NR2C1: variants seen among roughly 807,000 people sequenced by gnomAD.
NR2C1 encodes the protein TR2 nuclear hormone receptor.
NR2C1 carries 33 observed loss-of-function variants against 74.8 expected under a neutral mutation model. The observed-to-expected ratio is 0.44, with a 90% CI of 0.33 to 0.59. The LOEUF (loss-of-function observed/expected upper bound fraction) is 0.59, where lower values mean the gene tolerates loss of function less well. Among genes scored for constraint, NR2C1 ranks in the 20% least tolerant of loss-of-function variants. NR2C1 has a pLI of 0.02. For missense variants in NR2C1, 568 were observed against 715.6 expected (o/e 0.79, Z 2.35); for synonymous variants, 225 against 240.6 (o/e 0.94, Z 0.60).
Position 95,062,496 on chromosome 12 carries a change from ATAGT to A in NR2C1, c.285+8_285+11del. On this transcript the variant is annotated splice_region_variant and intron_variant, in intron 3 of 13. Transcript: ENST00000333003. ...ATATGTAAGAGGAAAAGACACTTCTATAGTTATTTACCTGCAGGTGTTGTGCAGA... is the reference window on the plus strand; with the variant it reads ...ATATGTAAGAGGAAAAGACACTTCTATATTTACCTGCAGGTGTTGTGCAGA... 1 of 1,564,456 alleles carries A rather than the reference ATAGT, an allele frequency of 6.4e-7. No individual in the cohort carries two copies. The highest frequency in any genetic ancestry group is 8.7e-7 in the Non-Finnish European group (1 of 1,145,136).
intron 9 of NR2C1, among the ~76,000 whole-genome samples, chr12:95,045,986 T>C (rs767389349): frequency 2.0e-5 from 3 of 152,138 alleles, no homozygotes; most frequent in Admixed American, 6.5e-5. Flanking sequence ...GTTATAGGCA[T>C]GCACCACTAC....
At chr12:95,060,888 T>C (rs143353397) in intron 3 of NR2C1, among the ~76,000 whole-genome samples, 1,942 of 152,266 alleles carry the variant, frequency 0.013, 35 homozygotes, top group African/African-American at 0.044. Context: ...TCTTCTTATA[T>C]CACCACAAAA....
At chr12:95,054,997 C>T (rs1053921669) in intron 7 of NR2C1, among the ~76,000 whole-genome samples, 4 of 152,250 alleles carry the variant, frequency 2.6e-5, no homozygotes, top group African/African-American at 9.6e-5. Flanking sequence ...TTTAACAAAG[C>T]ACATCTTGCA....
chr12:95,057,530 G>C, intron 7 of NR2C1, 23 bp downstream of exon 7: 2 of 1,517,826 alleles, frequency 1.3e-6, no homozygotes, highest in Non-Finnish European at 1.8e-6. Flanking sequence ...AATTATCTAA[G>C]CTTTAAATTG....
rs1868696723 is a variant in NR2C1, at chr12:95,020,737, T to A, written c.*1492A>T. ...AAATCAACAAACATACCAAAATAATTCATCAAGAAATCAAAGCAAAGAAAC... is the reference window on the plus strand; with the variant it reads ...AAATCAACAAACATACCAAAATAATACATCAAGAAATCAAAGCAAAGAAAC... On this transcript the variant is annotated 3_prime_UTR_variant, in exon 14 of 14. Transcript: ENST00000333003. 1 of 152,130 alleles carries A rather than the reference T, an allele frequency of 6.6e-6. No homozygotes were observed. The highest frequency in any genetic ancestry group is 1.5e-5 in the Non-Finnish European group (1 of 68,016). The allele number at this position is 152,130 out of a possible 1,614,324, so 9.4% of individuals were successfully genotyped here. A position where few individuals can be genotyped will look rare whatever the true frequency, so the allele number is the denominator to read the frequency against.
At chr12:95,047,367 T>G (rs1872443940) in intron 9 of NR2C1, among the ~76,000 whole-genome samples, 1 of 152,184 alleles carries the variant, frequency 6.6e-6, no homozygotes, top group Admixed American at 6.5e-5. Flanking sequence ...TCCTGTAGAG[T>G]GTAGAAAAAA....
intron 10 of NR2C1, among the ~76,000 whole-genome samples, chr12:95,039,969 C>T (rs1046121943): frequency 6.6e-6 from 1 of 152,114 alleles, no homozygotes; most frequent in Non-Finnish European, 1.5e-5. Context: ...GTAAGACTAA[C>T]CCTCTAAGTC....
At chr12:95,039,869 GCCTCAAGCCATCCTCCTGC>G (rs1336668853) in intron 10 of NR2C1, among the ~76,000 whole-genome samples, 3 of 152,070 alleles carry the variant, frequency 2.0e-5, no homozygotes, top group African/African-American at 7.2e-5. Context: ...TAAACTCCTG[GCCTCAAGCCATCCTCCTGC>G]CCTGACCTCC....
intron 1 of NR2C1, among the ~76,000 whole-genome samples, chr12:95,070,027 G>A (rs1424605661): frequency 6.6e-6 from 1 of 152,218 alleles, no homozygotes; most frequent in Non-Finnish European, 1.5e-5. Context: ...TCTGATAGCA[G>A]TGTCTGTTTT....
chr12:95,051,615 G>A (rs959025377), intron 8 of NR2C1, 147 bp downstream of exon 8: 21 of 681,740 alleles, frequency 3.1e-5, no homozygotes, highest in Non-Finnish European at 4.2e-5. Context: ...AAAGCATTTC[G>A]GATAAGAGAT....
At chr12:95,034,173 C>CA (rs1241616959) in intron 10 of NR2C1, among the ~76,000 whole-genome samples, 1 of 152,076 alleles carries the variant, frequency 6.6e-6, no homozygotes, top group Non-Finnish European at 1.5e-5. Flanking sequence ...ACTGTCAACT[C>CA]AGTCACAGCA....
intron 9 of NR2C1, among the ~76,000 whole-genome samples, chr12:95,047,650 C>A (rs557717326): frequency 6.6e-6 from 1 of 152,210 alleles, no homozygotes; most frequent in South Asian, 2.1e-4. Flanking sequence ...GAGCAGTCAC[C>A]CTCAGGTATT....
chr12:95,040,454 T>G, intron 10 of NR2C1, 22 bp downstream of exon 10: 1 of 1,587,248 alleles, frequency 6.3e-7, no homozygotes, highest in South Asian at 1.2e-5. Flanking sequence ...CACATTTATA[T>G]TCAAGATTTC....
chr12:95,049,468 A>G (rs1872701359), intron 8 of NR2C1: 1 of 363,152 alleles, frequency 2.8e-6, no homozygotes, highest in African/African-American at 2.1e-5. Flanking sequence ...AAGCATCTTC[A>G]TATTTTCATA....
intron 9 of NR2C1, among the ~76,000 whole-genome samples, chr12:95,045,400 C>T (rs1334140561): frequency 6.6e-6 from 1 of 151,824 alleles, no homozygotes; most frequent in African/African-American, 2.4e-5. Context: ...TGATTTTTAA[C>T]AAATATAACG....
chr12:95,040,330 G>T, intron 10 of NR2C1, 146 bp downstream of exon 10: 1 of 689,630 alleles, frequency 1.5e-6, no homozygotes, highest in Non-Finnish European at 2.3e-6. Flanking sequence ...TAGCTGCCAT[G>T]ATTTGTCATT....
At position 95,057,608 on chromosome 12, in the gene NR2C1, T is replaced by C. The variant is rs1874109685; in HGVS notation, c.728A>G (p.Asn243Ser). Residue 243 changes from asparagine (N) to serine (S), a missense_variant, in exon 7 of 14, where the codon AAT (asparagine) becomes AGT (serine). This residue lies in a region of NR2C1 where 239 missense variants were observed against 232.3 expected (regional missense o/e 1.03). Transcript: ENST00000333003. ...TGLLDSGMFM[N>S]IHPSGVKTES... ...AGTTTTTACTCCAGATGGATGAATATTCATGAACATTCCTGAATCTAACAG... is the reference window on the plus strand; with the variant it reads ...AGTTTTTACTCCAGATGGATGAATACTCATGAACATTCCTGAATCTAACAG... 1 of 1,614,004 alleles carries C rather than the reference T, an allele frequency of 6.2e-7. No homozygotes were observed. The highest frequency in any genetic ancestry group is 1.3e-5 in the African/African-American group (1 of 74,936).
In NR2C1 at chr12:95,021,532, C is replaced by T. The variant is rs2136082989; in HGVS notation, c.*697G>A. 1 of 151,964 alleles carries T rather than the reference C, an allele frequency of 6.6e-6. No individual in the cohort carries two copies. The highest frequency in any genetic ancestry group is 2.4e-5 in the African/African-American group (1 of 41,468). The allele number at this position is 151,964 out of a possible 1,614,324, so 9.4% of individuals were successfully genotyped here. On this transcript the variant is annotated 3_prime_UTR_variant, in exon 14 of 14. Coordinates refer to ENST00000333003, the MANE Select transcript of NR2C1 (RefSeq NM_003297.4). Reference sequence around the variant, plus strand: ...CAGTAAGCTAAAAATATTAAAATATCAACACTAGCTTATTCTCAAAAACAA... The same window carrying T: ...CAGTAAGCTAAAAATATTAAAATATTAACACTAGCTTATTCTCAAAAACAA...
intron 8 of NR2C1, among the ~76,000 whole-genome samples, chr12:95,051,349 C>T (rs900975749): frequency 2.6e-5 from 4 of 152,104 alleles, no homozygotes; most frequent in Admixed American, 6.6e-5. Context: ...TTTCTGTATA[C>T]GCCCAGACTC....
Sources: gnomAD v4.1 joint callset for allele counts (sites outside exome capture counted in the v4.1 genomes callset) on GRCh38, gnomAD v4.1.1 for gene constraint, gnomAD v4.1.1 regional missense constraint, MANE v1.5 for transcripts, NCBI Gene and HGNC (gene_info 2026-07-23, HGNC 2026-07-21) for gene names.